Variants in ADAMTSL3 observed in about 807,000 individuals in gnomAD.
ADAMTSL3 encodes ADAMTS-like protein 3.
A neutral mutation model predicts 201.7 loss-of-function variants in ADAMTSL3; 128 were observed. The observed-to-expected ratio is 0.63, with a 90% CI of 0.55 to 0.73. The LOEUF is 0.73. Among genes scored for constraint, ADAMTSL3 ranks in the 30% least tolerant of loss-of-function variants. The pLI is 0.00. For missense variants in ADAMTSL3, 1,990 were observed against 2,119.6 expected (o/e 0.94, Z 1.20); for synonymous variants, 738 against 748.4 (o/e 0.99, Z 0.23).
At chr15:83,925,843 C>T (rs777118118) in intron 17 of ADAMTSL3, among the ~76,000 whole-genome samples, 1 of 152,188 alleles carries the variant, frequency 6.6e-6, no homozygotes, top group Non-Finnish European at 1.5e-5. Flanking sequence ...TCCCCTGCTA[C>T]ATCCCTTCCC....
chr15:83,801,636 A>AT (rs2063515249), intron 4 of ADAMTSL3, among the ~76,000 whole-genome samples: 5 of 24,092 alleles, frequency 2.1e-4, no homozygotes, highest in East Asian at 5.9e-3. Context: ...TTATATATAT[A>AT]AATATATAAA....
At chr15:83,713,374 T>C (rs886106830) in intron 3 of ADAMTSL3, among the ~76,000 whole-genome samples, 2 of 152,190 alleles carry the variant, frequency 1.3e-5, no homozygotes, top group African/African-American at 4.8e-5. Flanking sequence ...TTCTGTTCTG[T>C]TGTGGCCTGT....
At chr15:83,696,441 A>C (rs1412088821) in intron 2 of ADAMTSL3, among the ~76,000 whole-genome samples, 2 of 152,234 alleles carry the variant, frequency 1.3e-5, no homozygotes, top group East Asian at 3.9e-4. Context: ...GTGACCTTAC[A>C]TGGTGTCTGG....
At chr15:83,927,813 A>G (rs1241300916) in intron 17 of ADAMTSL3, among the ~76,000 whole-genome samples, 2 of 152,056 alleles carry the variant, frequency 1.3e-5, no homozygotes, top group Non-Finnish European at 2.9e-5. Context: ...GAGCCCACAT[A>G]TTATGCTACT....
chr15:83,890,363 G>A lies in ADAMTSL3; in HGVS notation c.1211+116G>A, dbSNP rs1360982278. 9.8e-6 allele frequency: 13 copies of A among 1,327,112 alleles called. No individual in the cohort carries two copies. The South Asian group carries it at 1.2e-4, about 12-fold the overall frequency. 82.2% of individuals were successfully genotyped at this position (1,327,112 alleles called of 1,614,324 possible). A position where few individuals can be genotyped will look rare whatever the true frequency, so the allele number is the denominator to read the frequency against. On this transcript the variant is annotated intron_variant, in intron 11 of 29. Coordinates refer to ENST00000286744, the MANE Select transcript of ADAMTSL3 (RefSeq NM_207517.3). ...CCATTTCCTGGCTTTGTCTACTGGC[G>A]GCAGGTGCCTACATTCACATTTGTA...
At position 83,879,801 on chromosome 15, in the gene ADAMTSL3, A is replaced by C. The variant is rs79344853; in HGVS notation, c.961-5300A>C. ...CTGATTTTTGTCTGCTTATTCTATC[A>C]TGAGAGATGTGCTAAAACTACCCCG... is the stretch of plus-strand genomic sequence containing the variant. On this transcript the variant is annotated intron_variant, in intron 9 of 29. Transcript: ENST00000286744. Among the ~76,000 whole-genome samples, 4 of 151,198 alleles carry C rather than the reference A, an allele frequency of 2.6e-5. No homozygotes were observed. The South Asian group carries it at 8.3e-4, about 31-fold the overall frequency.
chr15:84,011,677 T>C (rs529196889), intron 23 of ADAMTSL3, among the ~76,000 whole-genome samples: 1 of 152,326 alleles, frequency 6.6e-6, no homozygotes, highest in South Asian at 2.1e-4. Flanking sequence ...GTGCAAATGA[T>C]ATAATTATTT....
chr15:83,705,350 G>A (rs1291069323), intron 3 of ADAMTSL3, among the ~76,000 whole-genome samples: 1 of 152,174 alleles, frequency 6.6e-6, no homozygotes, highest in African/African-American at 2.4e-5. Context: ...GTGATAGAGT[G>A]GAGGGAGATG....
chr15:83,677,096 T>G (rs2554392), intron 2 of ADAMTSL3, among the ~76,000 whole-genome samples: 30,835 of 152,210 alleles, frequency 0.2, 4,092 homozygotes, highest in Admixed American at 0.34. Context: ...TACCTTTCTG[T>G]TACTGATTTC....
At chr15:83,946,763 C>T (rs2066662195) in intron 19 of ADAMTSL3, among the ~76,000 whole-genome samples, 1 of 152,178 alleles carries the variant, frequency 6.6e-6, no homozygotes, top group Non-Finnish European at 1.5e-5. Flanking sequence ...GGAGGCTACC[C>T]ATGTGAGCTG....
At chr15:83,970,759 TCA>T in intron 20 of ADAMTSL3, 122 bp downstream of exon 20, 2 of 1,266,208 alleles carry the variant, frequency 1.6e-6, no homozygotes, top group South Asian at 2.9e-5. Context: ...CAAGCTGTAC[TCA>T]GTGTTGTTTT....
chr15:83,862,578 T>C (rs1371762021), intron 8 of ADAMTSL3: 1 of 152,202 alleles, frequency 6.6e-6, no homozygotes, highest in Non-Finnish European at 1.5e-5. Flanking sequence ...CTGAGAGATT[T>C]TGTCACCACC....
At position 83,681,308 on chromosome 15, in the gene ADAMTSL3, T is replaced by G. The variant is rs985545647; in HGVS notation, c.70-23081T>G. On this transcript the variant is annotated intron_variant, in intron 2 of 29. Coordinates refer to ENST00000286744, the MANE Select transcript of ADAMTSL3 (RefSeq NM_207517.3). ...ATAGAAAATGTGGCAAATTGGGTGC[T>G]TGATCTTAAAGACTTCTGAATAGAG... is the stretch of plus-strand genomic sequence containing the variant. Among the ~76,000 whole-genome samples the G allele has an allele frequency of 1.3e-5, 2 of 152,234 alleles. 1 individual carries two copies. Among genetic ancestry groups the G allele is most frequent in the Admixed American group, 1.3e-4 (2 of 15,280 alleles).
rs1383691398 is a variant in ADAMTSL3, at chr15:83,983,316, G to A, written c.3688G>A (p.Asp1230Asn). ...TGAGGCCACATATACATGGACCAAG[G>A]ATGGAACCTTGTTACAGCCCTCAGT... The part of the protein sequence containing the change: ...PSEATYTWTK[D>N]GTLLQPSVKI... The change falls in exon 21 of 30, where the codon GAT becomes AAT. Residue 1230 changes from aspartate (D) to asparagine (N), a missense_variant. Coordinates refer to ENST00000286744, the MANE Select transcript of ADAMTSL3 (RefSeq NM_207517.3). The A allele has an allele frequency of 1.3e-6, 2 of 1,546,354 alleles. 1 individual carries two copies. The highest frequency in any genetic ancestry group is 4.5e-5 in the East Asian group (2 of 43,990).
At chr15:83,731,172 G>C (rs1371137208) in intron 3 of ADAMTSL3, among the ~76,000 whole-genome samples, 1 of 151,958 alleles carries the variant, frequency 6.6e-6, no homozygotes, top group East Asian at 1.9e-4. Context: ...TTTGATTACT[G>C]TATGTTTGTA....
intron 2 of ADAMTSL3, among the ~76,000 whole-genome samples, chr15:83,685,069 T>C (rs2061518210): frequency 6.6e-6 from 1 of 152,344 alleles, no homozygotes; most frequent in South Asian, 2.1e-4. Flanking sequence ...TTCAGTATTA[T>C]AATTTATATT....
chr15:83,816,294 G>C (rs771858158), intron 5 of ADAMTSL3, among the ~76,000 whole-genome samples: 2 of 152,134 alleles, frequency 1.3e-5, no homozygotes, highest in African/African-American at 2.4e-5. Context: ...CTCTTTTGTT[G>C]CAATCGCAAA....
intron 13 of ADAMTSL3, among the ~76,000 whole-genome samples, chr15:83,896,948 C>T (rs575486127): frequency 6.6e-6 from 1 of 152,178 alleles, no homozygotes; most frequent in Admixed American, 6.5e-5. Context: ...AGGGGAAGAG[C>T]CCTTTATAAA....
chr15:83,826,780 G>A (rs1001603749), intron 6 of ADAMTSL3, among the ~76,000 whole-genome samples: 6 of 151,370 alleles, frequency 4.0e-5, no homozygotes, highest in African/African-American at 4.9e-5. Context: ...TCGTCCTTGC[G>A]ATAGTTTGCT....
Sources: allele counts gnomAD v4.1 joint callset (sites outside exome capture counted in the v4.1 genomes callset), GRCh38; gene constraint gnomAD v4.1.1; transcripts MANE v1.5; gene names NCBI Gene and HGNC (gene_info 2026-07-23, HGNC 2026-07-21).